Variants in CFAP44 observed in about 807,000 individuals in gnomAD.
CFAP44 encodes cilia and flagella associated protein 44, also known as cilia- and flagella-associated protein 44.
CFAP44 carries 134 observed loss-of-function variants against 216.2 expected under a neutral mutation model. That is an observed-to-expected ratio of 0.62 (90% CI 0.54 to 0.72). The LOEUF is 0.72. CFAP44 is among the 30% of genes least tolerant of loss of function. CFAP44 has a pLI of 0.00. For synonymous variants in CFAP44, 700 were observed against 727.6 expected (o/e 0.96, Z 0.61); for missense variants, 2,035 against 2,182.1 (o/e 0.93, Z 1.34).
intron 19 of CFAP44, among the ~76,000 whole-genome samples, chr3:113,365,258 C>T (rs1223007617): frequency 1.3e-5 from 2 of 152,104 alleles, no homozygotes; most frequent in Non-Finnish European, 2.9e-5. Context: ...CCAAATTTTG[C>T]TATTAGAAGA....
chr3:113,331,595 T>G (rs1950241525), intron 25 of CFAP44, among the ~76,000 whole-genome samples: 1 of 150,094 alleles, frequency 6.7e-6, no homozygotes. Context: ...TCACTAAGGT[T>G]TAAACTCAAA....
At chr3:113,296,377 T>A (rs556374857) in intron 33 of CFAP44, among the ~76,000 whole-genome samples, 2 of 152,330 alleles carry the variant, frequency 1.3e-5, no homozygotes, top group East Asian at 3.9e-4. Context: ...CAATGATTAG[T>A]GATGCTGAGC....
intron 23 of CFAP44, among the ~76,000 whole-genome samples, chr3:113,343,472 T>C (rs558222195): frequency 7.9e-5 from 12 of 152,234 alleles, no homozygotes; most frequent in Non-Finnish European, 1.5e-4. Context: ...CATTTCATCA[T>C]ATTTCATATT....
At chr3:113,424,617 A>T (rs973905649) in intron 4 of CFAP44, among the ~76,000 whole-genome samples, 3 of 152,196 alleles carry the variant, frequency 2.0e-5, no homozygotes, top group Admixed American at 2.0e-4. Context: ...AGGAGAACTA[A>T]ATCTAATGGG....
chr3:113,364,583 C>G (rs1950570814), intron 19 of CFAP44, among the ~76,000 whole-genome samples: 1 of 152,030 alleles, frequency 6.6e-6, no homozygotes, highest in Non-Finnish European at 1.5e-5. Flanking sequence ...CCTTGGTTTT[C>G]TAATATCAGT....
intron 22 of CFAP44, among the ~76,000 whole-genome samples, chr3:113,357,861 A>G (rs1183976898): frequency 6.6e-6 from 1 of 152,220 alleles, no homozygotes; most frequent in Admixed American, 6.5e-5. Context: ...AACAGAAATA[A>G]GCACTTATAT....
chr3:113,433,330 G>A (rs1935153236), intron 2 of CFAP44, among the ~76,000 whole-genome samples: 1 of 148,124 alleles, frequency 6.8e-6, no homozygotes, highest in South Asian at 2.1e-4. Flanking sequence ...TCAGGAGGCT[G>A]AGGCAGGAGA....
intron 28 of CFAP44, among the ~76,000 whole-genome samples, chr3:113,325,407 C>T (rs944484125): frequency 6.6e-6 from 1 of 151,312 alleles, no homozygotes; most frequent in Non-Finnish European, 1.5e-5. Flanking sequence ...TCAAAGAAAC[C>T]GAGGTTCTAA....
chr3:113,424,391 G>T (rs1009245174), intron 4 of CFAP44, among the ~76,000 whole-genome samples: 1 of 152,096 alleles, frequency 6.6e-6, no homozygotes, highest in Non-Finnish European at 1.5e-5. Flanking sequence ...AGCAGAGATC[G>T]TGCCATTGCA....
chr3:113,435,615 G>C (rs1242425920), intron 1 of CFAP44, among the ~76,000 whole-genome samples: 2 of 151,772 alleles, frequency 1.3e-5, no homozygotes, highest in Non-Finnish European at 2.9e-5. Context: ...TGTAGTCCCA[G>C]CTACTCAGGA....
chr3:113,304,903 G>T, intron 31 of CFAP44, 133 bp downstream of exon 31: 1 of 688,924 alleles, frequency 1.5e-6, no homozygotes, highest in Non-Finnish European at 2.4e-6. Context: ...AAGTGTAGGT[G>T]TCATTCTACA....
At chr3:113,330,050 C>T in intron 26 of CFAP44, 118 bp downstream of exon 26, 1 of 1,277,390 alleles carries the variant, frequency 7.8e-7, no homozygotes, top group Non-Finnish European at 1.0e-6. Context: ...GTAAGCTGGT[C>T]AGGGTTTGGG....
chr3:113,316,536 C>T (rs1450486368), intron 28 of CFAP44, among the ~76,000 whole-genome samples: 4 of 152,038 alleles, frequency 2.6e-5, no homozygotes, highest in African/African-American at 9.7e-5. Flanking sequence ...AATTGACAAA[C>T]CTCTAGCCAG....
At chr3:113,330,902 C>A (rs1950235987) in intron 25 of CFAP44, among the ~76,000 whole-genome samples, 1 of 152,178 alleles carries the variant, frequency 6.6e-6, no homozygotes, top group South Asian at 2.1e-4. Context: ...TATCTCTTGG[C>A]TTCCCACGAT....
chr3:113,433,701 T>C, intron 1 of CFAP44, 32 bp from the exon 2 acceptor site: 1 of 1,504,120 alleles, frequency 6.6e-7, no homozygotes, highest in Non-Finnish European at 9.2e-7. Context: ...GAGATATGGA[T>C]AAAGCTGTAA....
chr3:113,365,946 A>G, intron 19 of CFAP44, 93 bp downstream of exon 19: 1 of 1,402,484 alleles, frequency 7.1e-7, no homozygotes, highest in Non-Finnish European at 9.6e-7. Flanking sequence ...ATGTGTCTAA[A>G]TAACTTTTAA....
At chr3:113,377,673 A>G (rs1321556158) in intron 17 of CFAP44, among the ~76,000 whole-genome samples, 1 of 152,146 alleles carries the variant, frequency 6.6e-6, no homozygotes, top group Admixed American at 6.5e-5. Context: ...ATATTTTTTG[A>G]GACAGAGTCT....
Position 113,287,786 on chromosome 3 carries a change from T to C in CFAP44, c.*3771A>G, listed in dbSNP as rs1386734569. On this transcript the variant is annotated 3_prime_UTR_variant, in exon 35 of 35. Coordinates refer to ENST00000393845, the MANE Select transcript of CFAP44 (RefSeq NM_001164496.2). Reference sequence around the variant, plus strand: ...CTAATCTTTTTTATATAGGTGTGTGTTGAAGACCAAATATTTTCTCCAAAA... The same window carrying C: ...CTAATCTTTTTTATATAGGTGTGTGCTGAAGACCAAATATTTTCTCCAAAA... 1 of 152,220 alleles carries C rather than the reference T, an allele frequency of 6.6e-6. No homozygotes were observed. The highest frequency in any genetic ancestry group is 1.5e-5 in the Non-Finnish European group (1 of 68,036). The allele number at this position is 152,220 out of a possible 1,614,324, so 9.4% of individuals were successfully genotyped here. A position where few individuals can be genotyped will look rare whatever the true frequency, so the allele number is the denominator to read the frequency against.
chr3:113,300,244 G>C (rs959016521), intron 32 of CFAP44, among the ~76,000 whole-genome samples: 1 of 152,168 alleles, frequency 6.6e-6, no homozygotes, highest in Non-Finnish European at 1.5e-5. Context: ...TGTGGGAATG[G>C]TTAATGGGTA....
Sources: gnomAD v4.1 joint callset for allele counts (sites outside exome capture counted in the v4.1 genomes callset) on GRCh38, gnomAD v4.1.1 for gene constraint, MANE v1.5 for transcripts, NCBI Gene and HGNC (gene_info 2026-07-23, HGNC 2026-07-21) for gene names.